The following SLC26A11 variants were observed in gnomAD, a reference collection of about 807,000 sequenced individuals.
SLC26A11 encodes sodium-independent sulfate anion transporter.
In SLC26A11, 58 loss-of-function variants were observed where a neutral mutation model predicts 62.2. The observed-to-expected ratio is 0.93, with a 90% CI of 0.76 to 1.16. The LOEUF (loss-of-function observed/expected upper bound fraction) is 1.16, where lower values mean the gene tolerates loss of function less well. SLC26A11 is among the 50% of genes most tolerant of loss of function. The pLI, the probability that SLC26A11 is intolerant of heterozygous loss-of-function variation, is 0.00. For synonymous variants in SLC26A11, 411 were observed against 368.9 expected (o/e 1.11, Z -1.31); for missense variants, 790 against 794.3 (o/e 0.99, Z 0.06).
intron 6 of SLC26A11, 126 bp from the exon 7 acceptor site, chr17:80,227,692 C>T (rs1373531286): frequency 1.5e-6 from 2 of 1,346,230 alleles, no homozygotes; most frequent in Non-Finnish European, 2.0e-6. Flanking sequence ...CTGGGACCAG[C>T]AGCCTGGGCA....
In SLC26A11 at chr17:80,245,264, A is replaced by G. The variant is rs759427282; in HGVS notation, c.1097+8A>G. 6.2e-7 allele frequency: 1 copy of G among 1,613,518 alleles called. No individual in the cohort carries two copies. Among genetic ancestry groups the G allele is most frequent in the Admixed American group, 1.7e-5 (1 of 59,974 alleles). On this transcript the variant is annotated splice_region_variant and intron_variant, in intron 11 of 17. Transcript: ENST00000361193. ...CACAGGCAGCTTTGGACGGTGAGTGACCTGTCCGCCTCTTCTGTTTGCCCA... is the reference window on the plus strand; with the variant it reads ...CACAGGCAGCTTTGGACGGTGAGTGGCCTGTCCGCCTCTTCTGTTTGCCCA...
chr17:80,227,048 C>T (rs1283032545), intron 6 of SLC26A11, among the ~76,000 whole-genome samples: 4 of 152,124 alleles, frequency 2.6e-5, no homozygotes, highest in Admixed American at 6.5e-5. Flanking sequence ...GAGAGCGTCA[C>T]GGGCTGTCAT....
intron 9 of SLC26A11, among the ~76,000 whole-genome samples, chr17:80,239,408 G>GTTTAA: frequency 7.3e-6 from 1 of 137,622 alleles, no homozygotes; most frequent in African/African-American, 2.7e-5. Flanking sequence ...TTTTTTTTTC[G>GTTTAA]AGACGGAGTC....
chr17:80,244,974 C>CAAAA (rs34294039), intron 10 of SLC26A11, among the ~76,000 whole-genome samples: 3 of 67,682 alleles, frequency 4.4e-5, no homozygotes, highest in Non-Finnish European at 5.3e-5. Context: ...GACTCTGTCT[C>CAAAA]AAAAAAAAAA....
rs1272298873 is a variant in SLC26A11 at position 80,227,916 on chromosome 17, CT to C, written c.693del (p.Gly232ValfsTer33). 22 of 1,601,182 alleles carry C rather than the reference CT, an allele frequency of 1.4e-5. No individual in the cohort carries two copies. Among genetic ancestry groups the C allele is most frequent in the Non-Finnish European group, 1.7e-5 (20 of 1,179,824 alleles). On this transcript the variant is annotated frameshift_variant, in exon 7 of 18. Transcript: ENST00000361193. LOFTEE classifies it high-confidence loss of function. ...CCTCCCGTCCACCCCGAGATGCCCC[CT>C]GGTGTGCGGCTCAGCCGTGGGCTGG... ...HVPPVHPEMP[P>X]GVRLSRGLVW... is the part of the protein sequence containing the mutation.
chr17:80,251,469 A>G (rs1204674807), intron 17 of SLC26A11, 68 bp downstream of exon 17: 1 of 1,597,386 alleles, frequency 6.3e-7, no homozygotes, highest in African/African-American at 1.3e-5. Context: ...ATTGTAAAAA[A>G]TATGGGAAAC....
intron 7 of SLC26A11, among the ~76,000 whole-genome samples, chr17:80,236,249 G>C (rs1000233616): frequency 1.3e-5 from 2 of 152,198 alleles, no homozygotes; most frequent in Non-Finnish European, 2.9e-5. Context: ...CCAGTTCTCT[G>C]CTGCACATCC....
rs111343399 is a variant in SLC26A11, at chr17:80,248,189, G to A, written c.1354G>A (p.Gly452Ser). 348 of 1,608,914 alleles carry A rather than the reference G, an allele frequency of 2.2e-4. No homozygotes were observed. The African/African-American group carries it at 3.8e-3, about 17-fold the overall frequency. Residue 452 changes from glycine to serine, a missense_variant, in exon 14 of 18, where the codon GGC becomes AGC. Coordinates refer to ENST00000361193, the MANE Select transcript of SLC26A11 (RefSeq NM_001166347.2). ...GCTGTGCTTCTGGGAGGTGCAGTAC[G>A]GCATCCTGGCCGGGGCCCTGGTGTC... ...FLLCFWEVQY[G>S]ILAGALVSLL...
chr17:80,248,475 C>A, intron 14 of SLC26A11, 100 bp from the exon 15 acceptor site: 3 of 1,350,284 alleles, frequency 2.2e-6, no homozygotes, highest in Non-Finnish European at 3.0e-6. Context: ...CGGTCCCCTG[C>A]AGCACACTAG....
At chr17:80,240,810 G>T (rs372874458) in intron 9 of SLC26A11, among the ~76,000 whole-genome samples, 1 of 149,322 alleles carries the variant, frequency 6.7e-6, no homozygotes, top group South Asian at 2.1e-4. Context: ...CTAACAAAAT[G>T]AAAATAATAA....
At chr17:80,227,776 T>A (rs1251465286) in intron 6 of SLC26A11, 42 bp from the exon 7 acceptor site, 1 of 1,594,064 alleles carries the variant, frequency 6.3e-7, no homozygotes, top group African/African-American at 1.3e-5. Flanking sequence ...GCAGTAGGCC[T>A]GGGCCGAGCT....
At position 80,237,567 on chromosome 17, in the gene SLC26A11, G is replaced by C. The variant is rs1408315482; in HGVS notation, c.958G>C (p.Glu320Gln). ...LAVVPLMGLL[E>Q]SIAVAKAFAS... ...CGTGGTGCCCCTGATGGGCCTCCTG[G>C]AGAGCATTGCGGTGGCCAAAGCCTT... Residue 320 changes from glutamate to glutamine, a missense_variant, in exon 9 of 18, where the codon GAG (glutamate) becomes CAG (glutamine). Physicochemically the swap from Glu to Gln is conservative, Grantham distance 29. Transcript: ENST00000361193. 2 of 1,612,220 alleles carry C rather than the reference G, an allele frequency of 1.2e-6. No individual in the cohort carries two copies.
At chr17:80,245,086 G>C in intron 10 of SLC26A11, 110 bp from the exon 11 acceptor site, 1 of 923,522 alleles carries the variant, frequency 1.1e-6, no homozygotes, top group South Asian at 1.4e-5. Context: ...TGATTCTCCC[G>C]AGCCCTGCCT....
chr17:80,248,625 C>T lies in SLC26A11; in HGVS notation c.1473C>T (p.Phe491=). 3.1e-6 allele frequency: 5 copies of T among 1,590,462 alleles called. No individual in the cohort carries two copies. The highest frequency in any genetic ancestry group is 4.3e-6 in the Non-Finnish European group (5 of 1,168,720). ...TGCAGCCGGCCAGCGGCCTGTCCTT[C>T]CCTGCCATGGAGGCTCTGCGGGAGG... ...LVLQPASGLS[F]PAMEALREEI... The change falls in exon 15 of 18, where the codon TTC becomes TTT. Residue 491 remains phenylalanine, a synonymous_variant. Coordinates refer to ENST00000361193, the MANE Select transcript of SLC26A11 (RefSeq NM_001166347.2).
rs780061511 is a variant in SLC26A11 at position 80,246,458 on chromosome 17, G to A, written c.1154-51G>A. On this transcript the variant is annotated intron_variant, in intron 12 of 17. Coordinates refer to ENST00000361193, the MANE Select transcript of SLC26A11 (RefSeq NM_001166347.2). This position sits in a 1 kb window ranked among gnomAD's most constrained non-coding sequence, Gnocchi z 4.4. ...TGAACAAGAGGCTGCTACGCTGCGT[G>A]CTGGGGGGACCCTGCACTCCCGAGG... 1 of 1,601,254 alleles carries A rather than the reference G, an allele frequency of 6.2e-7. No homozygotes were observed. Among genetic ancestry groups the A allele is most frequent in the African/African-American group, 1.3e-5 (1 of 74,886 alleles).
chr17:80,248,066 C>G, intron 13 of SLC26A11, 64 bp from the exon 14 acceptor site: 1 of 1,505,922 alleles, frequency 6.6e-7, no homozygotes. Flanking sequence ...TCCCGCTGGT[C>G]AGCAGGGCCA....
chr17:80,234,318 G>T (rs975254874), intron 7 of SLC26A11, among the ~76,000 whole-genome samples: 1 of 152,170 alleles, frequency 6.6e-6, no homozygotes, highest in African/African-American at 2.4e-5. Flanking sequence ...GGACTTTAAA[G>T]ATGCTATTCT....
At chr17:80,221,954 G>A (rs2042219684) in intron 3 of SLC26A11, 160 bp downstream of exon 3, 2 of 737,002 alleles carry the variant, frequency 2.7e-6, no homozygotes, top group Non-Finnish European at 2.2e-6. Context: ...GGCCGACCCA[G>A]GCTCCTATGC....
rs368085592 is a variant in SLC26A11 at position 80,247,165 on chromosome 17, G to T, written c.1294+516G>T. On this transcript the variant is annotated intron_variant, in intron 13 of 17. Coordinates refer to ENST00000361193, the MANE Select transcript of SLC26A11 (RefSeq NM_001166347.2). Reference sequence around the variant, plus strand: ...AGGACAATATGGGGTTGGGGGTAAGGTCACAGATAACAGGATCCCAAGGCA... The same window carrying T: ...AGGACAATATGGGGTTGGGGGTAAGTTCACAGATAACAGGATCCCAAGGCA... Among the ~76,000 whole-genome samples the T allele has an allele frequency of 2.0e-5, 3 of 151,992 alleles. No homozygotes were observed. In the East Asian group the frequency reaches 5.8e-4, roughly 29 times the overall value.
Sources: gnomAD v4.1 joint callset for allele counts (sites outside exome capture counted in the v4.1 genomes callset) on GRCh38, gnomAD v4.1.1 for gene constraint, Gnocchi (gnomAD v3.1) non-coding constraint, MANE v1.5 for transcripts, NCBI Gene and HGNC (gene_info 2026-07-23, HGNC 2026-07-21) for gene names.